Variants in PMPCB observed in about 807,000 individuals in gnomAD.
PMPCB encodes the protein mitochondrial-processing peptidase subunit beta.
PMPCB carries 46 observed loss-of-function variants against 61.5 expected under a neutral mutation model. The observed-to-expected ratio is 0.75, with a 90% CI of 0.59 to 0.96. PMPCB has a LOEUF of 0.96. Among genes scored for constraint, PMPCB ranks in the 40% least tolerant of loss-of-function variants. The pLI is 0.00. For synonymous variants in PMPCB, 191 were observed against 201.6 expected (o/e 0.95, Z 0.44); for missense variants, 590 against 602.4 (o/e 0.98, Z 0.22).
In PMPCB at chr7:103,299,462, C is replaced by G. The variant is rs1817386997; in HGVS notation, c.260C>G (p.Ala87Gly). 3 of 1,607,940 alleles carry G rather than the reference C, an allele frequency of 1.9e-6. No homozygotes were observed. The highest frequency in any genetic ancestry group is 2.6e-6 in the Non-Finnish European group (3 of 1,175,100). ...STCTVGLWID[A>G]GSRYENEKNN... ...ATTAAGGTTGGACTCTGGATTGATG[C>G]TGGAAGTAGATACGAAAATGAGAAG... The change falls in exon 3 of 13, where the codon GCT becomes GGT. Residue 87 changes from alanine (A) to glycine (G), a missense_variant. Physicochemically the swap from Ala to Gly is moderately conservative, Grantham distance 60. Transcript: ENST00000249269.
At chr7:103,337,742 C>T in the PMPCB span, 1 of 1,612,614 alleles carries the variant, frequency 6.2e-7, no homozygotes, top group Non-Finnish European at 8.5e-7. Flanking sequence ...TTACGAGCTG[C>T]TTTGATCTGT....
intron 9 of PMPCB, 198 bp downstream of exon 9, chr7:103,310,673 A>ATT: frequency 3.7e-6 from 1 of 273,502 alleles, no homozygotes; most frequent in Non-Finnish European, 6.7e-6. Context: ...TATACTATAG[A>ATT]ATTTTTTTTT....
rs145533867 is a variant in PMPCB at position 103,308,560 on chromosome 7, G to A, written c.850-392G>A. Among the ~76,000 whole-genome samples, 572 of 152,192 alleles carry A rather than the reference G, an allele frequency of 3.8e-3. 4 individuals are homozygous for A. The highest frequency in any genetic ancestry group is 0.014 in the African/African-American group (562 of 41,524). ...CTTGAACATGGGAGGCCGAGGTTGC[G>A]GTGAGCCGAGATGGTGCCACTGCAC... On this transcript the variant is annotated intron_variant, in intron 7 of 12. Coordinates refer to ENST00000249269, the MANE Select transcript of PMPCB (RefSeq NM_004279.3).
downstream of PMPCB, among the ~76,000 whole-genome samples, chr7:103,317,943 G>A (rs1229635095): frequency 7.9e-6 from 1 of 126,076 alleles, no homozygotes; most frequent in Non-Finnish European, 1.6e-5. Flanking sequence ...GAGCCACCAC[G>A]CTCATAGTGC....
chr7:103,330,075 C>A (rs1429594252), downstream of PMPCB, among the ~76,000 whole-genome samples: 4 of 152,158 alleles, frequency 2.6e-5, no homozygotes, highest in Non-Finnish European at 5.9e-5. Context: ...GAATTAACTA[C>A]ATTTCTTTTC....
intron 12 of PMPCB, chr7:103,323,815 G>C: frequency 3.3e-6 from 2 of 602,986 alleles, no homozygotes; most frequent in Non-Finnish European, 4.9e-6. Flanking sequence ...TAAGGACATT[G>C]CATTTGGTAT....
chr7:103,309,841 C>T (rs1817688778), intron 8 of PMPCB, among the ~76,000 whole-genome samples: 1 of 152,168 alleles, frequency 6.6e-6, no homozygotes, highest in Non-Finnish European at 1.5e-5. Flanking sequence ...AACAGGGAAT[C>T]TAGATAAATG....
intron 12 of PMPCB, chr7:103,326,585 T>G: frequency 1.2e-6 from 2 of 1,613,966 alleles, no homozygotes; most frequent in Non-Finnish European, 1.7e-6. Flanking sequence ...TTCGAAGAAA[T>G]TATCCTTTGC....
intron 6 of PMPCB, among the ~76,000 whole-genome samples, chr7:103,306,644 G>A (rs1012139297): frequency 1.3e-5 from 2 of 151,858 alleles, no homozygotes; most frequent in African/African-American, 2.4e-5. Flanking sequence ...CTCAGCCTCC[G>A]AAAGTGTTGG....
At chr7:103,341,466 T>C in the PMPCB span, among the ~76,000 whole-genome samples, 4 of 152,340 alleles carry the variant, frequency 2.6e-5, no homozygotes, top group East Asian at 7.7e-4. Flanking sequence ...TGTCTTTGTA[T>C]ATCTTACTCC....
chr7:103,344,325 C>T, the PMPCB span: 2 of 582,110 alleles, frequency 3.4e-6, no homozygotes, highest in South Asian at 4.2e-5. Flanking sequence ...TCAGCAGCGG[C>T]GAGAGGAGGA....
At chr7:103,322,191 CAT>C (rs1316528035) in intron 12 of PMPCB, 4 of 834,848 alleles carry the variant, frequency 4.8e-6, no homozygotes, top group Non-Finnish European at 5.1e-6. Flanking sequence ...AAAAAGGCAA[CAT>C]AAACTTATTG....
At chr7:103,333,174 A>T (rs1819041016), downstream of PMPCB, among the ~76,000 whole-genome samples, 1 of 152,100 alleles carries the variant, frequency 6.6e-6, no homozygotes, top group African/African-American at 2.4e-5. Context: ...GTATTTGTTT[A>T]TTCTTCTTAT....
At chr7:103,308,911 G>A (rs1489876093) in intron 7 of PMPCB, 41 bp from the exon 8 acceptor site, 1 of 1,491,140 alleles carries the variant, frequency 6.7e-7, no homozygotes, top group Non-Finnish European at 9.0e-7. Context: ...GTTATATAAT[G>A]TTAATCTTAA....
At chr7:103,334,702 T>C in the PMPCB span, among the ~76,000 whole-genome samples, 2 of 151,788 alleles carry the variant, frequency 1.3e-5, no homozygotes, top group African/African-American at 4.8e-5. Flanking sequence ...CCAGCCTTAG[T>C]CTCCCACAGT....
the PMPCB span, among the ~76,000 whole-genome samples, chr7:103,342,308 CT>C: frequency 1.8e-3 from 262 of 142,916 alleles, no homozygotes; most frequent in Middle Eastern, 3.5e-3. Context: ...TATTTTTTTA[CT>C]TTTTTTTTTT....
At chr7:103,304,618 A>C in intron 6 of PMPCB, 128 bp downstream of exon 6, 1 of 700,594 alleles carries the variant, frequency 1.4e-6, no homozygotes, top group East Asian at 2.5e-5. Flanking sequence ...ATAGTGTGTA[A>C]GGGGAATGTG....
intron 12 of PMPCB, chr7:103,323,653 C>T: frequency 7.0e-7 from 1 of 1,436,862 alleles, no homozygotes; most frequent in Non-Finnish European, 9.5e-7. Context: ...CTCCAAGAAT[C>T]AAAATTATAC....
chr7:103,321,846 TAAA>T (rs1374912053), intron 12 of PMPCB: 1 of 1,484,822 alleles, frequency 6.7e-7, no homozygotes, highest in East Asian at 2.3e-5. Flanking sequence ...AGACCCCATC[TAAA>T]AAACAAACAA....
Sources: allele counts gnomAD v4.1 joint callset (sites outside exome capture counted in the v4.1 genomes callset), GRCh38; gene constraint gnomAD v4.1.1; transcripts MANE v1.5; gene names NCBI Gene and HGNC (gene_info 2026-07-23, HGNC 2026-07-21).